SLC1A2: variants seen among roughly 807,000 people sequenced by gnomAD.
SLC1A2 encodes the protein excitatory amino acid transporter 2.
In SLC1A2, 15 loss-of-function variants were observed where a neutral mutation model predicts 48.8. The observed-to-expected ratio is 0.31, with a 90% confidence interval of 0.21 to 0.47. The LOEUF (loss-of-function observed/expected upper bound fraction) is 0.47. Among genes scored for constraint, SLC1A2 ranks in the 20% least tolerant of loss-of-function variants. SLC1A2 has a pLI of 0.99. For missense variants in SLC1A2, 502 were observed against 730.5 expected, an observed-to-expected ratio of 0.69 and a Z score of 3.61; for synonymous variants, 279 against 272.6, an observed-to-expected ratio of 1.02 and a Z score of -0.23.
chr11:35,381,787 G>A (rs1019612936), intron 1 of SLC1A2, among the ~76,000 whole-genome samples: 2 of 152,248 alleles, frequency 1.3e-5, no homozygotes, highest in East Asian at 1.9e-4. Context: ...AGGGGAGTAC[G>A]TATTTCTTGT....
chr11:35,283,000 T>A (rs1168142359), intron 8 of SLC1A2, among the ~76,000 whole-genome samples: 1 of 146,514 alleles, frequency 6.8e-6, no homozygotes, highest in Non-Finnish European at 1.5e-5. Flanking sequence ...CTAGGGTTCC[T>A]GGAAGCTGTT....
At chr11:35,350,436 AG>A (rs1853209088) in intron 1 of SLC1A2, among the ~76,000 whole-genome samples, 1 of 152,204 alleles carries the variant, frequency 6.6e-6, no homozygotes, top group South Asian at 2.1e-4. Context: ...CAACCCCAAA[AG>A]GTACAAATGT....
intron 1 of SLC1A2, among the ~76,000 whole-genome samples, chr11:35,340,841 T>A (rs897355515): frequency 1.3e-5 from 2 of 152,226 alleles, no homozygotes; most frequent in African/African-American, 4.8e-5. Context: ...TGGACTCTTA[T>A]GTAACAAGTT....
intron 1 of SLC1A2, among the ~76,000 whole-genome samples, chr11:35,399,248 A>T (rs1315148467): frequency 6.6e-6 from 1 of 152,098 alleles, no homozygotes; most frequent in East Asian, 1.9e-4. Flanking sequence ...ATCCCTAAGG[A>T]AGTCAAGAGT....
chr11:35,357,364 A>G (rs1853515472), intron 1 of SLC1A2, among the ~76,000 whole-genome samples: 2 of 152,174 alleles, frequency 1.3e-5, no homozygotes, highest in Admixed American at 6.5e-5. Flanking sequence ...ATTAGACAGG[A>G]GTGGGGCTTT....
chr11:35,334,885 TAA>T (rs72165694), intron 1 of SLC1A2, among the ~76,000 whole-genome samples: 15,476 of 151,234 alleles, frequency 0.1, 976 homozygotes, highest in Middle Eastern at 0.15. Flanking sequence ...CAACATCCCT[TAA>T]GACAGACATT....
chr11:35,351,025 C>G (rs1156763371), intron 1 of SLC1A2, among the ~76,000 whole-genome samples: 1 of 152,222 alleles, frequency 6.6e-6, no homozygotes, highest in Non-Finnish European at 1.5e-5. Flanking sequence ...ATAGAATCAG[C>G]TGACCCAGTC....
rs1007895993 is a variant in SLC1A2, at chr11:35,274,033, G to C, written c.1421+6834C>G. Among the ~76,000 whole-genome samples, 3 of 152,268 alleles carry C rather than the reference G, an allele frequency of 2.0e-5. No individual in the cohort carries two copies. The East Asian group carries it at 5.8e-4, about 29-fold the overall frequency. ...AAAGATGGAGAACAAGGAGTCCCAA[G>C]GGGAAATTCCCAGGGGTGGGGAATA... On this transcript the variant is annotated intron_variant, in intron 9 of 10. Coordinates refer to ENST00000278379, the MANE Select transcript of SLC1A2 (RefSeq NM_004171.4).
chr11:35,344,173 A>G (rs574389987), intron 1 of SLC1A2, among the ~76,000 whole-genome samples: 2 of 152,336 alleles, frequency 1.3e-5, no homozygotes, highest in South Asian at 2.1e-4. Flanking sequence ...TCTATATGCT[A>G]CAGATACAGC....
intron 1 of SLC1A2, chr11:35,374,409 C>G: frequency 1.9e-6 from 1 of 514,998 alleles, no homozygotes; most frequent in East Asian, 5.1e-5. Flanking sequence ...GGTCACCTGT[C>G]TGGAGCAAAG....
At chr11:35,345,230 A>G (rs889163802) in intron 1 of SLC1A2, among the ~76,000 whole-genome samples, 3 of 152,204 alleles carry the variant, frequency 2.0e-5, no homozygotes, top group Admixed American at 1.3e-4. Context: ...GCTAAATACC[A>G]GGGTTCCAAT....
chr11:35,314,485 C>A, intron 3 of SLC1A2, among the ~76,000 whole-genome samples: 1 of 152,042 alleles, frequency 6.6e-6, no homozygotes, highest in Non-Finnish European at 1.5e-5. Context: ...GAGGCTGAGG[C>A]GGGTGGATCA....
chr11:35,366,410 T>C (rs545827102), intron 1 of SLC1A2, among the ~76,000 whole-genome samples: 1 of 152,282 alleles, frequency 6.6e-6, no homozygotes, highest in South Asian at 2.1e-4. Flanking sequence ...GGGCTGGAAG[T>C]GCTAGGAAAT....
intron 1 of SLC1A2, among the ~76,000 whole-genome samples, chr11:35,347,362 C>A (rs1003070116): frequency 6.6e-6 from 1 of 152,120 alleles, no homozygotes; most frequent in African/African-American, 2.4e-5. Context: ...TGTTTTGAAC[C>A]CCTGCTCCCC....
At chr11:35,305,115 G>A (rs1421693676) in intron 5 of SLC1A2, among the ~76,000 whole-genome samples, 1 of 152,138 alleles carries the variant, frequency 6.6e-6, no homozygotes, top group Non-Finnish European at 1.5e-5. Flanking sequence ...CCTGTCTCGG[G>A]GACACCATTC....
At chr11:35,320,775 G>A (rs772748839) in intron 1 of SLC1A2, among the ~76,000 whole-genome samples, 14 of 152,156 alleles carry the variant, frequency 9.2e-5, no homozygotes, top group Non-Finnish European at 1.9e-4. Context: ...TTTCTAGTGG[G>A]CCCATATTAC....
chr11:35,331,408 C>A (rs1032806390), intron 1 of SLC1A2, among the ~76,000 whole-genome samples: 1 of 152,202 alleles, frequency 6.6e-6, no homozygotes, highest in Non-Finnish European at 1.5e-5. Flanking sequence ...AACATCCAGT[C>A]CCTGTTGATC....
chr11:35,299,756 A>C (rs985284018), intron 6 of SLC1A2: 1 of 152,188 alleles, frequency 6.6e-6, no homozygotes, highest in Non-Finnish European at 1.5e-5. Flanking sequence ...GGTGGGAGAC[A>C]AGAAAAGGAG....
At chr11:35,263,417 G>A (rs1011347766) in intron 10 of SLC1A2, among the ~76,000 whole-genome samples, 2 of 152,114 alleles carry the variant, frequency 1.3e-5, no homozygotes, top group Admixed American at 6.5e-5. Context: ...GTGGTGAGCC[G>A]AGAGCACGCC....
Sources: allele counts gnomAD v4.1 joint callset (sites outside exome capture counted in the v4.1 genomes callset), GRCh38; gene constraint gnomAD v4.1.1; transcripts MANE v1.5; gene names NCBI Gene and HGNC (gene_info 2026-07-23, HGNC 2026-07-21).